The following NAALADL2 variants were observed in gnomAD, a reference collection of about 807,000 sequenced individuals.
NAALADL2 encodes N-acetylated alpha-linked acidic dipeptidase like 2, also known as inactive N-acetylated-alpha-linked acidic dipeptidase-like protein 2.
Under a neutral mutation model 87.2 loss-of-function variants are expected in NAALADL2, and 76 were observed. The observed-to-expected ratio is 0.87, with a 90% CI of 0.72 to 1.05. The LOEUF (loss-of-function observed/expected upper bound fraction) is 1.05. Among genes scored for constraint, NAALADL2 ranks in the 50% least tolerant of loss-of-function variants. The pLI, the probability that NAALADL2 is intolerant of heterozygous loss-of-function variation, is 0.00. For missense variants in NAALADL2, 1,089 were observed against 945.8 expected (o/e 1.15, Z -1.99); for synonymous variants, 354 against 331.0 (o/e 1.07, Z -0.75).
At chr3:174,567,981 G>A (rs1714485084) in intron 2 of NAALADL2, among the ~76,000 whole-genome samples, 1 of 151,712 alleles carries the variant, frequency 6.6e-6, no homozygotes. Context: ...TTATTTCTAT[G>A]TGTTGGAGAT....
At chr3:174,532,855 G>T (rs573834396) in intron 1 of NAALADL2, among the ~76,000 whole-genome samples, 1 of 151,986 alleles carries the variant, frequency 6.6e-6, no homozygotes, top group Non-Finnish European at 1.5e-5. Flanking sequence ...GGAGGGTCAT[G>T]GCTGTGGGAT....
In NAALADL2 at chr3:175,381,653, C is replaced by T. The variant is rs1010323211; in HGVS notation, c.1090+57328C>T. ...AATGAGTTTAGACAGTTTTTCAGTT[C>T]CTTTAAATAAGAACTCACAAAAAAA... On this transcript the variant is annotated intron_variant, in intron 5 of 13. Transcript: ENST00000454872. Among the ~76,000 whole-genome samples, 15 of 151,962 alleles carry T rather than the reference C, an allele frequency of 9.9e-5. No homozygotes were observed. The East Asian group carries it at 2.9e-3, about 29-fold the overall frequency.
intron 1 of NAALADL2, among the ~76,000 whole-genome samples, chr3:174,974,115 A>G (rs1744053671): frequency 1.3e-5 from 2 of 152,240 alleles, no homozygotes; most frequent in South Asian, 2.1e-4. Flanking sequence ...CTTTAAGAGC[A>G]TAGCAATAAC....
chr3:175,363,650 T>A (rs1362524599), intron 5 of NAALADL2, among the ~76,000 whole-genome samples: 1 of 148,154 alleles, frequency 6.7e-6, no homozygotes, highest in Non-Finnish European at 1.5e-5. Context: ...CATTCTCTTT[T>A]ACATTATTTT....
At chr3:174,908,552 G>A (rs575081177) in intron 1 of NAALADL2, among the ~76,000 whole-genome samples, 4 of 152,028 alleles carry the variant, frequency 2.6e-5, no homozygotes, top group East Asian at 3.9e-4. Context: ...TCATTTGTGC[G>A]GGTATATCTA....
intron 1 of NAALADL2, among the ~76,000 whole-genome samples, chr3:175,009,009 T>C (rs182187092): frequency 6.6e-6 from 1 of 152,300 alleles, no homozygotes. Context: ...TCATCTAATA[T>C]GTAAAATCAA....
intron 9 of NAALADL2, among the ~76,000 whole-genome samples, chr3:175,571,121 TTAAC>T (rs558886710): frequency 6.6e-6 from 1 of 152,200 alleles, no homozygotes; most frequent in Non-Finnish European, 1.5e-5. Flanking sequence ...GCATCACTAT[TTAAC>T]TAATGCAAGT....
chr3:174,846,808 G>T (rs973885032), intron 3 of NAALADL2, among the ~76,000 whole-genome samples: 4 of 152,072 alleles, frequency 2.6e-5, no homozygotes, highest in Non-Finnish European at 5.9e-5. Flanking sequence ...AGGCTGTGGG[G>T]CCATTGAACG....
intron 5 of NAALADL2, among the ~76,000 whole-genome samples, chr3:175,328,885 A>G (rs1761075199): frequency 6.6e-6 from 1 of 152,226 alleles, no homozygotes; most frequent in Non-Finnish European, 1.5e-5. Context: ...ATGTATCTTT[A>G]AGTAGTATTC....
At chr3:175,233,059 T>C (rs531639969) in intron 2 of NAALADL2, among the ~76,000 whole-genome samples, 1 of 152,304 alleles carries the variant, frequency 6.6e-6, no homozygotes, top group South Asian at 2.1e-4. Flanking sequence ...GAAATAAATA[T>C]ACAAAGTACA....
At chr3:174,893,649 T>C (rs751976501) in intron 1 of NAALADL2, among the ~76,000 whole-genome samples, 5 of 152,170 alleles carry the variant, frequency 3.3e-5, no homozygotes, top group African/African-American at 4.8e-5. Flanking sequence ...CAGGTTAAAA[T>C]AATGGGTTAT....
At chr3:175,230,095 G>T (rs1423210642) in intron 2 of NAALADL2, among the ~76,000 whole-genome samples, 5 of 151,830 alleles carry the variant, frequency 3.3e-5, no homozygotes, top group East Asian at 1.9e-4. Context: ...TTGACAAGGG[G>T]TACTAGGACT....
chr3:174,464,400 A>C (rs1396040736), intron 1 of NAALADL2, among the ~76,000 whole-genome samples: 1 of 147,976 alleles, frequency 6.8e-6, no homozygotes, highest in Admixed American at 6.7e-5. Flanking sequence ...TTTTGGTGCA[A>C]TTTTACCTAA....
At chr3:175,743,248 G>A (rs1360257708) in intron 12 of NAALADL2, among the ~76,000 whole-genome samples, 3 of 152,142 alleles carry the variant, frequency 2.0e-5, no homozygotes, top group African/African-American at 4.8e-5. Flanking sequence ...TGATCTGCCC[G>A]CCTTGGCCTC....
chr3:174,657,664 TC>T (rs1353575731), intron 2 of NAALADL2, among the ~76,000 whole-genome samples: 3 of 152,256 alleles, frequency 2.0e-5, no homozygotes, highest in Admixed American at 1.3e-4. Context: ...CAGGATTCAC[TC>T]TTGATTTTGT....
intron 1 of NAALADL2, among the ~76,000 whole-genome samples, chr3:174,982,820 C>T (rs931813175): frequency 8.6e-5 from 13 of 150,538 alleles, no homozygotes; most frequent in East Asian, 5.9e-4. Context: ...TTTTTTGAGA[C>T]GGAGTCTCGC....
At chr3:174,916,517 A>G (rs1356040502) in intron 1 of NAALADL2, among the ~76,000 whole-genome samples, 1 of 152,136 alleles carries the variant, frequency 6.6e-6, no homozygotes, top group East Asian at 1.9e-4. Context: ...TATATACACC[A>G]TGGAATACTA....
At chr3:175,387,335 T>A (rs769642429) in intron 5 of NAALADL2, among the ~76,000 whole-genome samples, 132 of 152,210 alleles carry the variant, frequency 8.7e-4, no homozygotes, top group Non-Finnish European at 1.3e-3. Flanking sequence ...TTTTTATCAT[T>A]CCTTCTTCAT....
chr3:175,108,534 A>G (rs2108477460), intron 2 of NAALADL2, among the ~76,000 whole-genome samples: 1 of 152,046 alleles, frequency 6.6e-6, no homozygotes, highest in South Asian at 2.1e-4. Context: ...GAAAAATAAA[A>G]CAAGTGTGGG....
Sources: gnomAD v4.1 joint callset for allele counts (sites outside exome capture counted in the v4.1 genomes callset) on GRCh38, gnomAD v4.1.1 for gene constraint, MANE v1.5 for transcripts, NCBI Gene and HGNC (gene_info 2026-07-23, HGNC 2026-07-21) for gene names.